CSMD1: variants seen among roughly 807,000 people sequenced by gnomAD.
The protein encoded by CSMD1 is CUB and sushi domain-containing protein 1.
Under a neutral mutation model 417.5 loss-of-function variants are expected in CSMD1, and 213 were observed. That is an observed-to-expected ratio of 0.51 (90% CI 0.46 to 0.57). The LOEUF (loss-of-function observed/expected upper bound fraction) is 0.57. CSMD1 is among the 20% of genes least tolerant of loss of function. The pLI, the probability that CSMD1 is intolerant of heterozygous loss-of-function variation, is 0.00. For missense variants in CSMD1, 6,923 were observed against 4,529.7 expected, an observed-to-expected ratio of 1.53 and a Z score of -15.17; for synonymous variants, 2,862 against 1,736.8, an observed-to-expected ratio of 1.65 and a Z score of -16.11.
rs141984292 is a variant in CSMD1, at chr8:3,523,255, T to A, written c.1345-29529A>T. ...AGTAAGACCTAAAGCATCTACCATA[T>A]AGGATTTAAAATAAAGCCTACATAA... On this transcript the variant is annotated intron_variant, in intron 10 of 69. Transcript: ENST00000635120. 3.3e-5 allele frequency among the ~76,000 whole-genome samples: 5 copies of A among 152,280 alleles called. No homozygotes were observed. In the East Asian group the frequency reaches 9.7e-4, roughly 29 times the overall value.
chr8:4,248,926 T>G (rs898943168), intron 3 of CSMD1, among the ~76,000 whole-genome samples: 1 of 152,358 alleles, frequency 6.6e-6, no homozygotes, highest in African/African-American at 2.4e-5. Flanking sequence ...AATGCCTATT[T>G]AATGCATGTA....
intron 5 of CSMD1, among the ~76,000 whole-genome samples, chr8:3,820,820 G>A (rs13280002): frequency 0.2 from 30,238 of 152,072 alleles, 3,229 homozygotes; most frequent in Middle Eastern, 0.28. Flanking sequence ...CTGACCTCAG[G>A]TGATCTGCTG....
chr8:3,802,729 TA>T (rs573760369), intron 5 of CSMD1, among the ~76,000 whole-genome samples: 1 of 152,300 alleles, frequency 6.6e-6, no homozygotes, highest in East Asian at 1.9e-4. Context: ...TTATTTTAAT[TA>T]AAAGACATCC....
intron 1 of CSMD1, among the ~76,000 whole-genome samples, chr8:4,972,268 T>G (rs888588208): frequency 6.8e-6 from 1 of 147,430 alleles, no homozygotes; most frequent in Non-Finnish European, 1.5e-5. Context: ...CTGATATTGT[T>G]TTGCTCTGTC....
intron 4 of CSMD1, among the ~76,000 whole-genome samples, chr8:4,029,228 A>G (rs1797218311): frequency 6.6e-6 from 1 of 152,246 alleles, no homozygotes. Flanking sequence ...GAAATCCATG[A>G]AGACTGAAAA....
chr8:3,652,403 CTTGT>C (rs1797902392), intron 7 of CSMD1, among the ~76,000 whole-genome samples: 1 of 152,214 alleles, frequency 6.6e-6, no homozygotes. Flanking sequence ...AATACGTTGA[CTTGT>C]TTGTTTCTGT....
intron 8 of CSMD1, among the ~76,000 whole-genome samples, chr8:3,615,751 C>G (rs1247065916): frequency 2.0e-5 from 3 of 152,172 alleles, no homozygotes; most frequent in East Asian, 3.9e-4. Context: ...GCTCTGTGAA[C>G]CTTTTTTTGG....
At chr8:4,128,058 G>T (rs138200371) in intron 3 of CSMD1, among the ~76,000 whole-genome samples, 36 of 152,256 alleles carry the variant, frequency 2.4e-4, no homozygotes, top group African/African-American at 7.7e-4. Context: ...CATCTCAAGA[G>T]CAGTGGACAA....
intron 2 of CSMD1, among the ~76,000 whole-genome samples, chr8:4,565,749 CATATATATATATATATATATATATAT>C (rs58696547): frequency 0.012 from 1,425 of 118,454 alleles, 32 homozygotes; most frequent in African/African-American, 0.026. Context: ...AAAATATATA[CATATATATATATATATATATATATAT>C]ATATATATAT....
chr8:3,435,729 G>A (rs548535017), intron 12 of CSMD1, among the ~76,000 whole-genome samples: 9 of 152,104 alleles, frequency 5.9e-5, no homozygotes, highest in African/African-American at 1.4e-4. Flanking sequence ...CACCCTACAC[G>A]TCACTCAATC....
At chr8:3,160,418 C>A (rs139481463) in intron 38 of CSMD1, among the ~76,000 whole-genome samples, 1 of 152,116 alleles carries the variant, frequency 6.6e-6, no homozygotes, top group Non-Finnish European at 1.5e-5. Context: ...CCACTGCAAC[C>A]GGCCTAGGAT....
At chr8:4,905,607 C>G (rs1344860181) in intron 1 of CSMD1, among the ~76,000 whole-genome samples, 1 of 151,792 alleles carries the variant, frequency 6.6e-6, no homozygotes, top group Non-Finnish European at 1.5e-5. Context: ...ATCACGAGGT[C>G]ATGAGATCGA....
chr8:3,508,655 T>A (rs1796936056), intron 10 of CSMD1, among the ~76,000 whole-genome samples: 1 of 152,180 alleles, frequency 6.6e-6, no homozygotes, highest in African/African-American at 2.4e-5. Context: ...CTTCAGTCGG[T>A]TTTATTGTAC....
At chr8:4,843,767 T>A (rs1399313378) in intron 1 of CSMD1, among the ~76,000 whole-genome samples, 1 of 152,216 alleles carries the variant, frequency 6.6e-6, no homozygotes, top group African/African-American at 2.4e-5. Context: ...ATAAGAGGTC[T>A]CTGGAACGTA....
chr8:4,495,300 G>C (rs1485818642), intron 2 of CSMD1, among the ~76,000 whole-genome samples: 1 of 152,132 alleles, frequency 6.6e-6, no homozygotes, highest in East Asian at 1.9e-4. Context: ...TCTCAGCTGG[G>C]CACGGTGGCT....
chr8:4,116,376 C>G (rs1051254953), intron 3 of CSMD1, among the ~76,000 whole-genome samples: 2 of 152,132 alleles, frequency 1.3e-5, no homozygotes, highest in African/African-American at 2.4e-5. Flanking sequence ...TTGTCCAAAC[C>G]CATGGAATAT....
intron 2 of CSMD1, among the ~76,000 whole-genome samples, chr8:4,532,583 C>G (rs1240146357): frequency 6.9e-6 from 1 of 145,116 alleles, no homozygotes; most frequent in Non-Finnish European, 1.5e-5. Flanking sequence ...CACCCCCATT[C>G]AGTCACTCTG....
At chr8:4,028,345 G>A (rs1797170660) in intron 4 of CSMD1, among the ~76,000 whole-genome samples, 2 of 152,044 alleles carry the variant, frequency 1.3e-5, no homozygotes, top group Admixed American at 1.3e-4. Context: ...GCCTACTTAT[G>A]AAGATTAAAT....
chr8:4,211,135 G>C (rs1800284404), intron 3 of CSMD1, among the ~76,000 whole-genome samples: 1 of 151,512 alleles, frequency 6.6e-6, no homozygotes, highest in South Asian at 2.1e-4. Context: ...TGAAATGTGT[G>C]TTCTAATCAC....
Sources: allele counts gnomAD v4.1 joint callset (sites outside exome capture counted in the v4.1 genomes callset), GRCh38; gene constraint gnomAD v4.1.1; transcripts MANE v1.5; gene names NCBI Gene and HGNC (gene_info 2026-07-23, HGNC 2026-07-21).